Variants in NPY2R observed in about 807,000 individuals in gnomAD.
NPY2R encodes the protein neuropeptide Y receptor type 2.
NPY2R carries 17 observed loss-of-function variants against 22.3 expected under a neutral mutation model. The ratio of observed to expected loss-of-function variants is 0.76; its 90% CI spans 0.52 to 1.14. The LOEUF (loss-of-function observed/expected upper bound fraction) is 1.14. NPY2R is among the 50% of genes most tolerant of loss of function. The pLI is 0.00. For synonymous variants in NPY2R, 209 were observed against 183.4 expected, an observed-to-expected ratio of 1.14 and a Z score of -1.13; for missense variants, 424 against 467.9, an observed-to-expected ratio of 0.91 and a Z score of 0.87.
chr4:155,210,748 A>G (rs1220808907), intron 1 of NPY2R, among the ~76,000 whole-genome samples: 2 of 152,194 alleles, frequency 1.3e-5, no homozygotes, highest in Non-Finnish European at 2.9e-5. Flanking sequence ...ACACCTGAGT[A>G]CATGGAAACT....
the NPY2R span, among the ~76,000 whole-genome samples, chr4:155,192,251 C>T: frequency 6.6e-6 from 1 of 151,748 alleles, no homozygotes; most frequent in Non-Finnish European, 1.5e-5. Context: ...TTGATGTAAC[C>T]TGTGGTTTTA....
upstream of NPY2R, chr4:155,206,798 G>A (rs1729292360): frequency 6.6e-6 from 1 of 152,158 alleles, no homozygotes; most frequent in African/African-American, 2.4e-5. Flanking sequence ...ACACTCATCT[G>A]TTTTGCTGGA....
chr4:155,179,716 G>A, the NPY2R span, among the ~76,000 whole-genome samples: 1 of 152,174 alleles, frequency 6.6e-6, no homozygotes, highest in African/African-American at 2.4e-5. Flanking sequence ...TTTTAGTCAA[G>A]ACCCAACAGG....
chr4:155,214,961 G>T lies in NPY2R; in HGVS notation c.1022G>T (p.Arg341Leu). Residue 341 changes from arginine to leucine, a missense_variant, in exon 2 of 2, where the codon CGC (arginine) becomes CTC (leucine). Transcript: ENST00000329476. ...AGAAAGGCTTTCCTCTCGGCCTTCC[G>T]CTGTGAGCAGCGGTTGGATGCCATT... ...NYRKAFLSAF[R>L]CEQRLDAIHS... 1.9e-6 allele frequency: 3 copies of T among 1,614,204 alleles called. No individual in the cohort carries two copies. Among genetic ancestry groups the T allele is most frequent in the South Asian group, 2.2e-5 (2 of 91,080 alleles).
At position 155,212,662 on chromosome 4, in the gene NPY2R, A is replaced by G. The variant is rs181303075; in HGVS notation, c.-48-1230A>G. Among the ~76,000 whole-genome samples the G allele has an allele frequency of 2.8e-4, 43 of 152,318 alleles. No homozygotes were observed. The East Asian group carries it at 8.1e-3, about 29-fold the overall frequency. The stretch of plus-strand genomic sequence containing the variant: ...ATAAAAGCAAAAGAGGATGGGAGGT[A>G]AGTTAGAAGATGATTAGAGTAATCA... On this transcript the variant is annotated intron_variant, in intron 1 of 1. Coordinates refer to ENST00000329476, the MANE Select transcript of NPY2R (RefSeq NM_000910.4).
At chr4:155,195,573 G>A in the NPY2R span, among the ~76,000 whole-genome samples, 1 of 151,618 alleles carries the variant, frequency 6.6e-6, no homozygotes, top group Non-Finnish European at 1.5e-5. Context: ...TATAATCTTA[G>A]TATTATAATA....
At chr4:155,180,114 C>G in the NPY2R span, among the ~76,000 whole-genome samples, 2 of 149,556 alleles carry the variant, frequency 1.3e-5, no homozygotes, top group African/African-American at 4.9e-5. Context: ...AAGATGGGGT[C>G]TTGCCATGTT....
At chr4:155,178,927 G>A in the NPY2R span, among the ~76,000 whole-genome samples, 29 of 152,110 alleles carry the variant, frequency 1.9e-4, no homozygotes, top group Non-Finnish European at 2.5e-4. Context: ...ACAGGTCACC[G>A]AGTTATTGTG....
At chr4:155,197,751 C>CA in the NPY2R span, among the ~76,000 whole-genome samples, 1 of 151,730 alleles carries the variant, frequency 6.6e-6, no homozygotes, top group Non-Finnish European at 1.5e-5. Context: ...TATGTATAGA[C>CA]ATGGTCTGAG....
the NPY2R span, among the ~76,000 whole-genome samples, chr4:155,202,396 C>T: frequency 6.6e-6 from 1 of 152,142 alleles, no homozygotes; most frequent in African/African-American, 2.4e-5. Flanking sequence ...ATTTAAAAGC[C>T]TGTGTACCCT....
chr4:155,205,206 G>T (rs1039286051), upstream of NPY2R, among the ~76,000 whole-genome samples: 1 of 152,118 alleles, frequency 6.6e-6, no homozygotes, highest in African/African-American at 2.4e-5. Context: ...ATGTCTAGTG[G>T]CTACTGTACT....
At chr4:155,211,482 G>C (rs1043283257) in intron 1 of NPY2R, among the ~76,000 whole-genome samples, 6 of 152,128 alleles carry the variant, frequency 3.9e-5, no homozygotes, top group African/African-American at 7.2e-5. Context: ...GAGGCCAGAG[G>C]GATATGCAGG....
chr4:155,204,983 T>C (rs1283556563), upstream of NPY2R, among the ~76,000 whole-genome samples: 1 of 152,072 alleles, frequency 6.6e-6, no homozygotes, highest in African/African-American at 2.4e-5. Flanking sequence ...ATGGACCTTC[T>C]GTAAAGGCCA....
chr4:155,201,761 A>G, the NPY2R span, among the ~76,000 whole-genome samples: 1 of 152,144 alleles, frequency 6.6e-6, no homozygotes, highest in East Asian at 1.9e-4. Flanking sequence ...GCAAACTTAT[A>G]GAAAATTGTG....
At chr4:155,212,825 A>T (rs1229538911) in intron 1 of NPY2R, among the ~76,000 whole-genome samples, 2 of 152,230 alleles carry the variant, frequency 1.3e-5, no homozygotes, top group Non-Finnish European at 2.9e-5. Context: ...ATGAAATGTT[A>T]TATGTTAGTT....
In NPY2R at chr4:155,214,799, T is replaced by C; in HGVS notation, c.860T>C (p.Phe287Ser). The C allele has an allele frequency of 6.2e-7, 1 of 1,613,040 alleles. No individual in the cohort carries two copies. Residue 287 changes from phenylalanine to serine, a missense_variant, in exon 2 of 2, where the codon TTC becomes TCC. Phe to Ser is a radical substitution (Grantham distance 155, BLOSUM62 -2). Coordinates refer to ENST00000329476, the MANE Select transcript of NPY2R (RefSeq NM_000910.4). ...GTCAGCTGGCTGCCTCTCCATGCCT[T>C]CCAGCTTGCCGTTGACATTGACAGC... ...FAVSWLPLHAFQLAVDIDSQV... is the reference protein window; with the variant it reads ...FAVSWLPLHASQLAVDIDSQV...
At chr4:155,174,484 A>ATATATATATATATATATTTT in the NPY2R span, among the ~76,000 whole-genome samples, 149 of 106,006 alleles carry the variant, frequency 1.4e-3, 1 homozygote, top group African/African-American at 5.1e-3. Context: ...ATATATATAT[A>ATATATATATATATATATTTT]TTTTTTTTTT....
the NPY2R span, among the ~76,000 whole-genome samples, chr4:155,185,043 TA>T: frequency 3.2e-5 from 3 of 93,120 alleles, no homozygotes; most frequent in African/African-American, 8.6e-5. Context: ...TATATATATA[TA>T]TTTTTTTTTT....
chr4:155,190,220 CT>C, the NPY2R span, among the ~76,000 whole-genome samples: 1 of 151,994 alleles, frequency 6.6e-6, no homozygotes, highest in African/African-American at 2.4e-5. Flanking sequence ...TCTGATGCTC[CT>C]AACTGCTAGG....
Sources: allele counts gnomAD v4.1 joint callset (sites outside exome capture counted in the v4.1 genomes callset), GRCh38; gene constraint gnomAD v4.1.1; transcripts MANE v1.5; gene names NCBI Gene and HGNC (gene_info 2026-07-23, HGNC 2026-07-21).